Variants in ZMYND8 observed in about 807,000 individuals in gnomAD.
The protein encoded by ZMYND8 is zinc finger MYND-type containing 8.
A neutral mutation model predicts 140.8 loss-of-function variants in ZMYND8; 37 were observed. The observed-to-expected ratio is 0.26, with a 90% CI of 0.20 to 0.35. ZMYND8 has a LOEUF of 0.35. ZMYND8 is among the 10% of genes least tolerant of loss of function. The pLI is 1.00. For synonymous variants in ZMYND8, 592 were observed against 597.1 expected, an observed-to-expected ratio of 0.99 and a Z score of 0.12; for missense variants, 1,068 against 1,570.0, an observed-to-expected ratio of 0.68 and a Z score of 5.40.
intron 7 of ZMYND8, among the ~76,000 whole-genome samples, chr20:47,288,644 C>T (rs902169952): frequency 2.6e-5 from 4 of 152,184 alleles, no homozygotes; most frequent in Admixed American, 2.6e-4. Flanking sequence ...CCGCCCGCCT[C>T]AGCTTCCCAA....
intron 19 of ZMYND8, among the ~76,000 whole-genome samples, chr20:47,221,927 A>G (rs750079604): frequency 8.5e-5 from 13 of 152,054 alleles, no homozygotes; most frequent in Non-Finnish European, 1.6e-4. Flanking sequence ...TCGGCCTCCC[A>G]AAGTGCTAGG....
chr20:47,234,286 C>A (rs899382921), intron 16 of ZMYND8, among the ~76,000 whole-genome samples: 4 of 152,196 alleles, frequency 2.6e-5, no homozygotes, highest in Non-Finnish European at 4.4e-5. Context: ...TGAGCTCATG[C>A]AATCCACCCA....
rs7360691 is a variant in ZMYND8, at chr20:47,318,816, A to C, written c.86-8612T>G. On this transcript the variant is annotated intron_variant, in intron 2 of 22. Transcript: ENST00000471951. ...CTTCTCATCCAGAGCCGGGATAGGGAGGGCTGGAATGGAAATGAGGCTGTG... is the reference window on the plus strand; with the variant it reads ...CTTCTCATCCAGAGCCGGGATAGGGCGGGCTGGAATGGAAATGAGGCTGTG... 85 of 590,308 alleles carry C rather than the reference A, an allele frequency of 1.4e-4. 2 individuals carry two copies. The highest frequency in any genetic ancestry group is 1.2e-3 in the South Asian group (83 of 67,208). The allele number at this position is 590,308 out of a possible 1,614,324, so 36.6% of individuals were successfully genotyped here.
At chr20:47,250,214 A>G (rs948954969) in intron 12 of ZMYND8, among the ~76,000 whole-genome samples, 1 of 152,182 alleles carries the variant, frequency 6.6e-6, no homozygotes, top group African/African-American at 2.4e-5. Flanking sequence ...TTGTAGGACC[A>G]GCAGGACAGA....
At chr20:47,229,896 G>C (rs887346309) in intron 16 of ZMYND8, 90 bp from the exon 17 acceptor site, 6 of 1,229,280 alleles carry the variant, frequency 4.9e-6, no homozygotes, top group Middle Eastern at 2.6e-4. Context: ...GTATAAAGCA[G>C]AGGTTCTCAA....
At chr20:47,297,821 G>C (rs2077740294) in intron 4 of ZMYND8, among the ~76,000 whole-genome samples, 1 of 152,148 alleles carries the variant, frequency 6.6e-6, no homozygotes, top group Non-Finnish European at 1.5e-5. Context: ...TCAGAGTTGG[G>C]GGTCTCCAAG....
At chr20:47,273,203 A>C (rs1407469495) in intron 11 of ZMYND8, among the ~76,000 whole-genome samples, 1 of 152,210 alleles carries the variant, frequency 6.6e-6, no homozygotes, top group African/African-American at 2.4e-5. Context: ...CAAGCGAAGA[A>C]AGGTATTTTA....
chr20:47,330,017 T>C (rs188961431), intron 2 of ZMYND8, among the ~76,000 whole-genome samples: 688 of 152,040 alleles, frequency 4.5e-3, no homozygotes, highest in Admixed American at 8.7e-3. Flanking sequence ...CTTTGAAGAG[T>C]GATTTTTGAC....
chr20:47,294,867 C>CA, intron 4 of ZMYND8, 88 bp from the exon 5 acceptor site: 3 of 1,282,378 alleles, frequency 2.3e-6, no homozygotes, highest in Non-Finnish European at 3.4e-6. Flanking sequence ...AGTCAACTGA[C>CA]AGACAAAAAG....
intron 13 of ZMYND8, 44 bp from the exon 14 acceptor site, chr20:47,246,561 T>C (rs947581561): frequency 1.3e-6 from 2 of 1,525,436 alleles, no homozygotes; most frequent in Non-Finnish European, 8.7e-7. Flanking sequence ...AGTCACAAAA[T>C]AAAGAGCAGG....
At chr20:47,220,616 T>C (rs2036810376) in intron 20 of ZMYND8, among the ~76,000 whole-genome samples, 2 of 152,190 alleles carry the variant, frequency 1.3e-5, no homozygotes, top group African/African-American at 4.8e-5. Context: ...CCCCTCCAGA[T>C]TTTTGCCATA....
chr20:47,339,049 T>C (rs557946698), intron 2 of ZMYND8, among the ~76,000 whole-genome samples: 1 of 151,118 alleles, frequency 6.6e-6, no homozygotes, highest in East Asian at 2.0e-4. Context: ...CTTGGCTCAC[T>C]GCAAGCTCTG....
rs1210456464 is a variant in ZMYND8, at chr20:47,349,789, AAT to A, written c.15-1865_15-1864del. The A allele has an allele frequency of 2.6e-6, 4 of 1,525,426 alleles. No individual in the cohort carries two copies. The Admixed American group carries it at 8.0e-5, about 31-fold the overall frequency. The allele number at this position is 1,525,426 out of a possible 1,614,324, so 94.5% of individuals were successfully genotyped here. On this transcript the variant is annotated intron_variant, in intron 1 of 22. Coordinates refer to ENST00000471951, the MANE Select transcript of ZMYND8 (RefSeq NM_001281775.3). ...TATTTTGAGTAATAGAGAAAACGCT[AAT>A]CTGTGATCCAACTGAAATCTACAGT...
chr20:47,224,813 T>TCCACACCAGACTA (rs2037457630), intron 18 of ZMYND8, among the ~76,000 whole-genome samples: 1 of 152,188 alleles, frequency 6.6e-6, no homozygotes, highest in African/African-American at 2.4e-5. Context: ...CAGAGGATTT[T>TCCACACCAGACTA]CCACACCAGA....
chr20:47,262,217 C>T, intron 12 of ZMYND8, 71 bp downstream of exon 12: 1 of 1,605,850 alleles, frequency 6.2e-7, no homozygotes. Flanking sequence ...ACCACATACA[C>T]AAGAGGATAC....
At chr20:47,280,038 GGC>G (rs2076506407) in intron 10 of ZMYND8, among the ~76,000 whole-genome samples, 1 of 151,590 alleles carries the variant, frequency 6.6e-6, no homozygotes, top group Non-Finnish European at 1.5e-5. Context: ...GCAGGAGAAT[GGC>G]TGAATCCGGG....
chr20:47,215,930 GGAGA>G (rs2036027241), intron 21 of ZMYND8, among the ~76,000 whole-genome samples: 1 of 152,168 alleles, frequency 6.6e-6, no homozygotes, highest in Non-Finnish European at 1.5e-5. Flanking sequence ...GAAGGCACTT[GGAGA>G]TAGATGAGGA....
intron 21 of ZMYND8, among the ~76,000 whole-genome samples, chr20:47,213,130 C>T (rs1258904221): frequency 6.6e-6 from 1 of 152,070 alleles, no homozygotes. Flanking sequence ...AAGGCAATAA[C>T]TCATCAACTG....
intron 12 of ZMYND8, among the ~76,000 whole-genome samples, chr20:47,250,173 G>A (rs968781071): frequency 6.6e-6 from 1 of 152,138 alleles, no homozygotes; most frequent in Non-Finnish European, 1.5e-5. Context: ...TCAGGCCGGA[G>A]GTCCTGTCCC....
Sources: gnomAD v4.1 joint callset for allele counts (sites outside exome capture counted in the v4.1 genomes callset) on GRCh38, gnomAD v4.1.1 for gene constraint, MANE v1.5 for transcripts, NCBI Gene and HGNC (gene_info 2026-07-23, HGNC 2026-07-21) for gene names.